KLRG1: variants seen among roughly 807,000 people sequenced by gnomAD.
KLRG1 encodes killer cell lectin like receptor G1.
KLRG1 carries 16 observed loss-of-function variants against 21.8 expected under a neutral mutation model. The observed-to-expected ratio is 0.73, with a 90% CI of 0.50 to 1.11. The LOEUF (loss-of-function observed/expected upper bound fraction) is 1.11, where lower values mean the gene tolerates loss of function less well. Ranked by LOEUF, KLRG1 falls within the 50% of genes most tolerant of loss-of-function variation. KLRG1 has a pLI of 0.00. For missense variants in KLRG1, 173 were observed against 218.3 expected (o/e 0.79, Z 1.31); for synonymous variants, 69 against 75.9 (o/e 0.91, Z 0.47).
the KLRG1 span, chr12:9,162,688 T>C: frequency 6.7e-7 from 1 of 1,482,060 alleles, no homozygotes; most frequent in South Asian, 1.2e-5. Flanking sequence ...GATAGAAACA[T>C]CCTGGTGACA....
At chr12:8,976,253 A>G (rs1049880616) in intron 1 of KLRG1, among the ~76,000 whole-genome samples, 2 of 152,142 alleles carry the variant, frequency 1.3e-5, no homozygotes, top group African/African-American at 2.4e-5. Context: ...TTTAGTTTCT[A>G]TGTAAATGTG....
the KLRG1 span, among the ~76,000 whole-genome samples, chr12:9,142,529 G>T: frequency 6.6e-6 from 1 of 152,152 alleles, no homozygotes; most frequent in Non-Finnish European, 1.5e-5. Context: ...GAACTGAAAG[G>T]TCCCATAGCT....
At chr12:9,029,093 G>A in the KLRG1 span, 5 of 426,390 alleles carry the variant, frequency 1.2e-5, no homozygotes, top group Non-Finnish European at 1.8e-5. Flanking sequence ...TAGACATGAC[G>A]GCAGAAAGAA....
At chr12:9,060,168 C>A in the KLRG1 span, among the ~76,000 whole-genome samples, 1 of 151,614 alleles carries the variant, frequency 6.6e-6, no homozygotes, top group Non-Finnish European at 1.5e-5. Flanking sequence ...CCACATCCGG[C>A]TAATTTTTTG....
At chr12:9,033,014 A>G in the KLRG1 span, among the ~76,000 whole-genome samples, 35,269 of 152,004 alleles carry the variant, frequency 0.23, 4,796 homozygotes, top group South Asian at 0.32. Context: ...CCTCCTGTCA[A>G]TCAAACTCTT....
Position 9,004,662 on chromosome 12 carries a change from G to A in KLRG1, c.358-4313G>A, listed in dbSNP as rs1034783171. On this transcript the variant is annotated intron_variant, in intron 3 of 4. Transcript: ENST00000356986. The stretch of plus-strand genomic sequence containing the variant: ...TGGTTGGCTACATTTTTTACTTTTC[G>A]TAAAGATAGAGTGTTACTATGTTGT... Among the ~76,000 whole-genome samples, 15 of 152,062 alleles carry A rather than the reference G, an allele frequency of 9.9e-5. 1 individual carries two copies. Among genetic ancestry groups the A allele is most frequent in the Admixed American group, 3.3e-4 (5 of 15,266 alleles).
chr12:9,073,450 T>A, the KLRG1 span, among the ~76,000 whole-genome samples: 1 of 152,252 alleles, frequency 6.6e-6, no homozygotes, highest in African/African-American at 2.4e-5. Context: ...CTGTTCCCAG[T>A]GAATGTCTGC....
the KLRG1 span, among the ~76,000 whole-genome samples, chr12:9,124,361 G>A: frequency 6.6e-6 from 1 of 152,060 alleles, no homozygotes; most frequent in Non-Finnish European, 1.5e-5. Context: ...GCTGCAGACC[G>A]CGGCCTCCTG....
At chr12:9,129,317 A>C in the KLRG1 span, among the ~76,000 whole-genome samples, 1 of 152,176 alleles carries the variant, frequency 6.6e-6, no homozygotes, top group East Asian at 1.9e-4. Flanking sequence ...TGGTGACTAC[A>C]TAAGTACAAA....
At chr12:9,200,356 TA>T in the KLRG1 span, 1 of 1,570,208 alleles carries the variant, frequency 6.4e-7, no homozygotes, top group Non-Finnish European at 8.7e-7. Flanking sequence ...AAAAACAATG[TA>T]ACTCACTCTC....
At chr12:9,122,325 A>G in the KLRG1 span, among the ~76,000 whole-genome samples, 2 of 152,222 alleles carry the variant, frequency 1.3e-5, no homozygotes, top group South Asian at 4.1e-4. Context: ...ACCCTTAACC[A>G]TAGGAGCCCC....
the KLRG1 span, among the ~76,000 whole-genome samples, chr12:9,022,268 G>A: frequency 3.3e-5 from 5 of 152,172 alleles, no homozygotes; most frequent in Admixed American, 2.0e-4. Context: ...GAGTTTGTTT[G>A]CACCTGCCTC....
chr12:9,006,256 G>T (rs1947469309), intron 3 of KLRG1, among the ~76,000 whole-genome samples: 1 of 152,178 alleles, frequency 6.6e-6, no homozygotes, highest in Non-Finnish European at 1.5e-5. Context: ...AAATGAAACA[G>T]TATGATATAA....
chr12:9,176,036 T>C, the KLRG1 span, among the ~76,000 whole-genome samples: 2 of 152,178 alleles, frequency 1.3e-5, no homozygotes, highest in Non-Finnish European at 1.5e-5. Flanking sequence ...CTATTCACGA[T>C]AGCAAAGACA....
the KLRG1 span, among the ~76,000 whole-genome samples, chr12:9,148,413 AT>A: frequency 6.6e-6 from 1 of 152,068 alleles, no homozygotes; most frequent in Admixed American, 6.5e-5. Flanking sequence ...TATTAATTTT[AT>A]TATCCATGTT....
At chr12:9,107,414 G>T in the KLRG1 span, 1 of 1,305,832 alleles carries the variant, frequency 7.7e-7, no homozygotes, top group South Asian at 1.5e-5. Context: ...TAGCCAACAT[G>T]GAATTCTCTT....
the KLRG1 span, among the ~76,000 whole-genome samples, chr12:9,110,559 T>C: frequency 6.6e-6 from 1 of 151,776 alleles, no homozygotes; most frequent in Non-Finnish European, 1.5e-5. Flanking sequence ...AGGCATGCAA[T>C]GCATGATAAT....
the KLRG1 span, chr12:9,070,348 A>T: frequency 1.5e-6 from 1 of 650,328 alleles, no homozygotes; most frequent in Non-Finnish European, 2.7e-6. Context: ...AACACATGTG[A>T]TTATATTTCT....
chr12:9,140,223 T>G, the KLRG1 span, among the ~76,000 whole-genome samples: 1 of 152,190 alleles, frequency 6.6e-6, no homozygotes, highest in African/African-American at 2.4e-5. Context: ...TGGAAAAGAT[T>G]AATTAGGCAG....
Sources: gnomAD v4.1 joint callset for allele counts (sites outside exome capture counted in the v4.1 genomes callset) on GRCh38, gnomAD v4.1.1 for gene constraint, MANE v1.5 for transcripts, NCBI Gene and HGNC (gene_info 2026-07-23, HGNC 2026-07-21) for gene names.